Variants in MAP2K5 observed in about 807,000 individuals in gnomAD.
MAP2K5 encodes mitogen-activated protein kinase kinase 5.
Under a neutral mutation model 83.1 loss-of-function variants are expected in MAP2K5, and 49 were observed. That is an observed-to-expected ratio of 0.59 (90% CI 0.47 to 0.75). MAP2K5 has a LOEUF of 0.75. Among genes scored for constraint, MAP2K5 ranks in the 30% least tolerant of loss-of-function variants. The pLI, the probability that MAP2K5 is intolerant of heterozygous loss-of-function variation, is 0.00. For missense variants in MAP2K5, 457 were observed against 557.5 expected (o/e 0.82, Z 1.82); for synonymous variants, 202 against 191.8 (o/e 1.05, Z -0.44).
At chr15:67,683,495 C>T (rs561217929) in intron 13 of MAP2K5, among the ~76,000 whole-genome samples, 34 of 152,114 alleles carry the variant, frequency 2.2e-4, no homozygotes, top group Non-Finnish European at 3.8e-4. Context: ...GGTGTGGTGG[C>T]TCATGCCTGT....
intron 19 of MAP2K5, among the ~76,000 whole-genome samples, chr15:67,765,109 C>T (rs2090016526): frequency 6.6e-6 from 1 of 152,128 alleles, no homozygotes; most frequent in Non-Finnish European, 1.5e-5. Context: ...GCCTGTAATC[C>T]CAGCACTTTG....
At chr15:67,600,523 C>G (rs1215940860) in intron 7 of MAP2K5, among the ~76,000 whole-genome samples, 162 bp from the exon 8 acceptor site, 1 of 152,190 alleles carries the variant, frequency 6.6e-6, no homozygotes, top group Non-Finnish European at 1.5e-5. Flanking sequence ...TTGGTATCGT[C>G]TTTTATAAAT....
At chr15:67,674,091 C>T (rs1261564053) in intron 13 of MAP2K5, among the ~76,000 whole-genome samples, 2 of 152,278 alleles carry the variant, frequency 1.3e-5, no homozygotes, top group African/African-American at 4.8e-5. Flanking sequence ...TTGTGATCCA[C>T]CCGTCTCGGC....
chr15:67,594,534 C>G (rs1377487068), intron 7 of MAP2K5, among the ~76,000 whole-genome samples: 2 of 152,128 alleles, frequency 1.3e-5, no homozygotes, highest in Non-Finnish European at 2.9e-5. Flanking sequence ...AAATGAAAAA[C>G]AGTTTTTTCC....
chr15:67,713,969 T>G (rs537983970), intron 16 of MAP2K5, among the ~76,000 whole-genome samples: 1 of 152,314 alleles, frequency 6.6e-6, no homozygotes, highest in South Asian at 2.1e-4. Context: ...CCAGTTCAGT[T>G]TGTCACTCCA....
At position 67,736,464 on chromosome 15, in the gene MAP2K5, A is replaced by T. The variant is rs1485605319; in HGVS notation, c.1074+8519A>T. On this transcript the variant is annotated intron_variant, in intron 17 of 21. Coordinates refer to ENST00000178640, the MANE Select transcript of MAP2K5 (RefSeq NM_145160.3). This position sits in a 1 kb window ranked among gnomAD's most constrained non-coding sequence, Gnocchi z 4.3. ...TAAACAAGAGCTAGGTAATATTAGT[A>T]TTATTTATATTTCCAGAAAGTTCTT... Among the ~76,000 whole-genome samples the T allele has an allele frequency of 6.6e-6, 1 of 152,180 alleles. No homozygotes were observed. Among genetic ancestry groups the T allele is most frequent in the Non-Finnish European group, 1.5e-5 (1 of 68,030 alleles).
chr15:67,643,468 A>G (rs112478905), intron 9 of MAP2K5, among the ~76,000 whole-genome samples: 1 of 151,864 alleles, frequency 6.6e-6, no homozygotes, highest in East Asian at 1.9e-4. Flanking sequence ...TTTTTTTGAG[A>G]CAGAGTCTCG....
At chr15:67,798,566 C>G (rs2090646454) in intron 21 of MAP2K5, among the ~76,000 whole-genome samples, 1 of 152,202 alleles carries the variant, frequency 6.6e-6, no homozygotes, top group Non-Finnish European at 1.5e-5. Context: ...CATTTTTTTT[C>G]TCCCAGTGGT....
Position 67,772,753 on chromosome 15 carries a change from G to T in MAP2K5, c.1242+1G>T. 6.2e-7 allele frequency: 1 copy of T among 1,600,348 alleles called. No homozygotes were observed. The highest frequency in any genetic ancestry group is 8.5e-7 in the Non-Finnish European group (1 of 1,172,658). On this transcript the variant is annotated splice_donor_variant, in intron 21 of 21. Transcript: ENST00000178640. LOFTEE classifies it high-confidence loss of function. Reference sequence around the variant, plus strand: ...AAGGCCAGCACCTGAAGAATTGATGGTAAGTGAATGTTTTTAGTTACATTA... The same window carrying T: ...AAGGCCAGCACCTGAAGAATTGATGTTAAGTGAATGTTTTTAGTTACATTA...
chr15:67,630,822 T>A, intron 8 of MAP2K5, 66 bp from the exon 9 acceptor site: 1 of 1,149,880 alleles, frequency 8.7e-7, no homozygotes, highest in Non-Finnish European at 1.3e-6. Context: ...TTTACATTTA[T>A]GTCCTTAACC....
chr15:67,545,038 TCAC>T (rs2084364692), intron 1 of MAP2K5, among the ~76,000 whole-genome samples: 1 of 152,202 alleles, frequency 6.6e-6, no homozygotes, highest in African/African-American at 2.4e-5. Context: ...TCATCTCTCT[TCAC>T]GGCCCCATAA....
rs949866233 is a variant in MAP2K5, at chr15:67,652,145, C to A, written c.736+5676C>A. Reference sequence around the variant, plus strand: ...GTCAAACATTTTTTCAAATGCCTTACGTTGATTCTTCTTTAAACATTTGAT... The same window carrying A: ...GTCAAACATTTTTTCAAATGCCTTAAGTTGATTCTTCTTTAAACATTTGAT... On this transcript the variant is annotated intron_variant, in intron 11 of 21. Coordinates refer to ENST00000178640, the MANE Select transcript of MAP2K5 (RefSeq NM_145160.3). The surrounding 1 kb of genome is among the most constrained non-coding windows in gnomAD (Gnocchi z 4.2). 6.6e-6 allele frequency among the ~76,000 whole-genome samples: 1 copy of A among 152,116 alleles called. No individual in the cohort carries two copies. The highest frequency in any genetic ancestry group is 2.4e-5 in the African/African-American group (1 of 41,402).
chr15:67,607,102 G>A (rs1238593547), intron 8 of MAP2K5, among the ~76,000 whole-genome samples: 1 of 152,144 alleles, frequency 6.6e-6, no homozygotes, highest in Non-Finnish European at 1.5e-5. Flanking sequence ...ATTGACCTGA[G>A]AGCTAGAATG....
At chr15:67,620,494 A>G (rs1271911268) in intron 8 of MAP2K5, among the ~76,000 whole-genome samples, 3 of 152,234 alleles carry the variant, frequency 2.0e-5, no homozygotes, top group Non-Finnish European at 2.9e-5. Flanking sequence ...GTTGATGCCA[A>G]TAGATAAATG....
chr15:67,798,085 A>G (rs11635396), intron 21 of MAP2K5, among the ~76,000 whole-genome samples: 21,083 of 152,174 alleles, frequency 0.14, 1,511 homozygotes, highest in East Asian at 0.16. Context: ...ACAGCCATCA[A>G]TCACCCCCAG....
intron 19 of MAP2K5, among the ~76,000 whole-genome samples, chr15:67,766,645 A>C (rs2090047356): frequency 6.6e-6 from 1 of 152,208 alleles, no homozygotes; most frequent in African/African-American, 2.4e-5. Context: ...TGAATTAGAT[A>C]ACAAAATAGG....
rs959139011 is a variant in MAP2K5 at position 67,785,136 on chromosome 15, G to C, written c.1242+12384G>C. On this transcript the variant is annotated intron_variant, in intron 21 of 21. Transcript: ENST00000178640. The surrounding 1 kb of genome is among the most constrained non-coding windows in gnomAD (Gnocchi z 4.4). Reference sequence around the variant, plus strand: ...ATTTTTGTATTTTCAGTAGAGACGGGGTTTCCCCATGTTGCCCAGGCTGGT... The same window carrying C: ...ATTTTTGTATTTTCAGTAGAGACGGCGTTTCCCCATGTTGCCCAGGCTGGT... Among the ~76,000 whole-genome samples, 1 of 152,112 alleles carries C rather than the reference G, an allele frequency of 6.6e-6. No individual in the cohort carries two copies. The highest frequency in any genetic ancestry group is 1.5e-5 in the Non-Finnish European group (1 of 68,034).
rs2090292906 is a variant in MAP2K5 at position 67,779,513 on chromosome 15, GTA to G, written c.1242+6765_1242+6766del. On this transcript the variant is annotated intron_variant, in intron 21 of 21. Transcript: ENST00000178640. This position sits in a 1 kb window ranked among gnomAD's most constrained non-coding sequence, Gnocchi z 4.6. ...TTAGCAGATAAATATGTGTGTGTATGTATATGTCTTTATATGCATGCGCATAG... is the reference window on the plus strand; with the variant it reads ...TTAGCAGATAAATATGTGTGTGTATGTATGTCTTTATATGCATGCGCATAG... 6.6e-6 allele frequency among the ~76,000 whole-genome samples: 1 copy of G among 152,234 alleles called. No individual in the cohort carries two copies. The highest frequency in any genetic ancestry group is 2.4e-5 in the African/African-American group (1 of 41,456).
intron 21 of MAP2K5, among the ~76,000 whole-genome samples, chr15:67,796,767 A>G (rs1208118489): frequency 6.6e-6 from 1 of 152,348 alleles, no homozygotes; most frequent in African/African-American, 2.4e-5. Context: ...ATAATAAAAA[A>G]CAAATAGTAG....
Sources: allele counts gnomAD v4.1 joint callset (sites outside exome capture counted in the v4.1 genomes callset), GRCh38; gene constraint gnomAD v4.1.1; non-coding constraint Gnocchi (gnomAD v3.1); transcripts MANE v1.5; gene names NCBI Gene and HGNC (gene_info 2026-07-23, HGNC 2026-07-21).